NDC1: variants seen among roughly 807,000 people sequenced by gnomAD.
The protein encoded by NDC1 is nucleoporin NDC1.
In NDC1, 24 loss-of-function variants were observed where a neutral mutation model predicts 89.8. That is an observed-to-expected ratio of 0.27 (90% CI 0.19 to 0.38). NDC1 has a LOEUF of 0.38. Among genes scored for constraint, NDC1 ranks in the 10% least tolerant of loss-of-function variants. The pLI, the probability that NDC1 is intolerant of heterozygous loss-of-function variation, is 1.00. For synonymous variants in NDC1, 296 were observed against 284.8 expected (o/e 1.04, Z -0.39); for missense variants, 728 against 797.6 (o/e 0.91, Z 1.05).
chr1:53,790,283 T>C (rs1647447845), intron 14 of NDC1, among the ~76,000 whole-genome samples: 1 of 150,976 alleles, frequency 6.6e-6, no homozygotes, highest in African/African-American at 2.4e-5. Flanking sequence ...GAGAATCACT[T>C]GAACCCGGGA....
At chr1:53,770,811 C>T (rs962539395) in intron 17 of NDC1, among the ~76,000 whole-genome samples, 3 of 151,756 alleles carry the variant, frequency 2.0e-5, no homozygotes, top group Non-Finnish European at 2.9e-5. Context: ...AGCACCACCA[C>T]GCCCAGTGAA....
chr1:53,835,551 A>G lies in NDC1; in HGVS notation c.127T>C (p.Phe43Leu), dbSNP rs759121257. ...AAATCAATCCTGCTGAAAATTATAAATACTGTGGTGCAGATGGGTAGAAAT... is the reference window on the plus strand; with the variant it reads ...AAATCAATCCTGCTGAAAATTATAAGTACTGTGGTGCAGATGGGTAGAAAT... ...VLFLPICTTV[F>L]IIFSRIDLFH... Residue 43 changes from phenylalanine to leucine, a missense_variant, in exon 2 of 18, where the codon TTT becomes CTT. Phe to Leu is a conservative substitution (Grantham distance 22). Transcript: ENST00000371429. 8.9e-5 allele frequency: 143 copies of G among 1,613,264 alleles called. 1 individual carries two copies. In the Admixed American group the frequency reaches 2.4e-3, roughly 27 times the overall value.
intron 16 of NDC1, among the ~76,000 whole-genome samples, chr1:53,779,679 A>G (rs1275458949): frequency 6.6e-6 from 1 of 152,244 alleles, no homozygotes; most frequent in African/African-American, 2.4e-5. Flanking sequence ...ACTAGGTACA[A>G]TCATGAATAA....
chr1:53,808,327 GTTA>G (rs931560818), intron 7 of NDC1, among the ~76,000 whole-genome samples: 23 of 152,196 alleles, frequency 1.5e-4, no homozygotes, highest in Admixed American at 2.6e-4. Context: ...AATTAGCAAA[GTTA>G]TTATAATCCT....
At chr1:53,808,230 C>G (rs1489587665) in intron 7 of NDC1, among the ~76,000 whole-genome samples, 1 of 152,208 alleles carries the variant, frequency 6.6e-6, no homozygotes, top group Non-Finnish European at 1.5e-5. Flanking sequence ...GCACATGCTA[C>G]TAAACAATGT....
chr1:53,806,068 C>T (rs1433439620), intron 9 of NDC1, among the ~76,000 whole-genome samples: 4 of 150,660 alleles, frequency 2.7e-5, no homozygotes, highest in South Asian at 4.2e-4. Context: ...AGCGAGACTC[C>T]GTCTCAAAAA....
At chr1:53,837,790 C>A (rs1649285460) in intron 1 of NDC1, among the ~76,000 whole-genome samples, 1 of 152,220 alleles carries the variant, frequency 6.6e-6, no homozygotes, top group Non-Finnish European at 1.5e-5. Flanking sequence ...CAAAGAACAC[C>A]TGCCCTGCTT....
intron 9 of NDC1, among the ~76,000 whole-genome samples, chr1:53,805,355 C>T (rs1648064768): frequency 6.6e-6 from 1 of 152,072 alleles, no homozygotes; most frequent in African/African-American, 2.4e-5. Flanking sequence ...AGGCATGTGC[C>T]ACCATGCCAT....
intron 14 of NDC1, among the ~76,000 whole-genome samples, chr1:53,789,971 C>T (rs1027436176): frequency 2.0e-5 from 3 of 151,430 alleles, no homozygotes; most frequent in Non-Finnish European, 4.4e-5. Flanking sequence ...GGTGTGGTGG[C>T]ATGCACCTAG....
chr1:53,775,953 T>TC (rs1647159178), intron 16 of NDC1, among the ~76,000 whole-genome samples: 2 of 148,614 alleles, frequency 1.3e-5, no homozygotes, highest in Admixed American at 6.7e-5. Flanking sequence ...AGTCTGAAAT[T>TC]CCTTTTTTTT....
At chr1:53,774,369 T>C (rs1177771480) in intron 16 of NDC1, among the ~76,000 whole-genome samples, 1 of 152,216 alleles carries the variant, frequency 6.6e-6, no homozygotes, top group Non-Finnish European at 1.5e-5. Context: ...CTCAGAGTTA[T>C]CGTGGCAGAT....
Position 53,772,346 on chromosome 1 carries a change from TGTA to T in NDC1, c.1941_1943del (p.Thr648del). On this transcript the variant is annotated inframe_deletion, in exon 17 of 18. Transcript: ENST00000371429. ...AAACTTACTTCAGATGTTCACCAAA[TGTA>T]GTAGTTATTCGATAGATGGCAGTTT... 6.2e-7 allele frequency: 1 copy of T among 1,613,692 alleles called. No individual in the cohort carries two copies. Among genetic ancestry groups the T allele is most frequent in the Non-Finnish European group, 8.5e-7 (1 of 1,179,730 alleles).
At chr1:53,803,745 G>A (rs549038625) in intron 10 of NDC1, among the ~76,000 whole-genome samples, 183 bp downstream of exon 10, 1 of 152,098 alleles carries the variant, frequency 6.6e-6, no homozygotes, top group South Asian at 2.1e-4. Flanking sequence ...CTAATTTTTT[G>A]TATCTTTAGT....
intron 11 of NDC1, among the ~76,000 whole-genome samples, chr1:53,800,406 G>A (rs1478076171): frequency 8.0e-6 from 1 of 124,922 alleles, no homozygotes; most frequent in African/African-American, 3.1e-5. Flanking sequence ...CACAATCTCA[G>A]CTCACTGCAA....
chr1:53,775,919 G>C (rs1469445207), intron 16 of NDC1, among the ~76,000 whole-genome samples: 1 of 149,960 alleles, frequency 6.7e-6, no homozygotes, highest in Non-Finnish European at 1.5e-5. Flanking sequence ...AATATATCTA[G>C]AATATCATCA....
In NDC1 at chr1:53,816,311, T is replaced by A. The variant is rs559500248; in HGVS notation, c.703+2660A>T. Among the ~76,000 whole-genome samples the A allele has an allele frequency of 2.6e-5, 4 of 152,286 alleles. No individual in the cohort carries two copies. In the South Asian group the frequency reaches 8.3e-4, roughly 32 times the overall value. On this transcript the variant is annotated intron_variant, in intron 6 of 17. Coordinates refer to ENST00000371429, the MANE Select transcript of NDC1 (RefSeq NM_018087.5). ...ATAAACCCAAATACTTTCAGCCAAC[T>A]GATCTTCGACAAAGCAAACAAAAAC...
intron 13 of NDC1, among the ~76,000 whole-genome samples, chr1:53,794,435 T>G (rs1220224761): frequency 2.6e-5 from 4 of 152,078 alleles, no homozygotes; most frequent in African/African-American, 9.7e-5. Flanking sequence ...ACGTGTCTGG[T>G]TGGGTAGAAA....
intron 15 of NDC1, among the ~76,000 whole-genome samples, chr1:53,788,161 G>T (rs1283453382): frequency 1.3e-5 from 2 of 152,128 alleles, no homozygotes; most frequent in Non-Finnish European, 2.9e-5. Context: ...GGGCGTGGTG[G>T]CATGCACCTG....
intron 7 of NDC1, among the ~76,000 whole-genome samples, chr1:53,808,952 C>A (rs1648204955): frequency 6.6e-6 from 1 of 152,112 alleles, no homozygotes; most frequent in Non-Finnish European, 1.5e-5. Context: ...GTGGAATATA[C>A]AATAAGAACA....
Sources: gnomAD v4.1 joint callset for allele counts (sites outside exome capture counted in the v4.1 genomes callset) on GRCh38, gnomAD v4.1.1 for gene constraint, MANE v1.5 for transcripts, NCBI Gene and HGNC (gene_info 2026-07-23, HGNC 2026-07-21) for gene names.